The following FNDC3A variants were observed in gnomAD, a reference collection of about 807,000 sequenced individuals.
FNDC3A encodes the protein fibronectin type-III domain-containing protein 3A.
FNDC3A carries 32 observed loss-of-function variants against 148.9 expected under a neutral mutation model. The observed-to-expected ratio is 0.21, with a 90% CI of 0.16 to 0.29. The LOEUF (loss-of-function observed/expected upper bound fraction) is 0.29, where lower values mean the gene tolerates loss of function less well. FNDC3A is among the 10% of genes least tolerant of loss of function. FNDC3A has a pLI of 1.00. For synonymous variants in FNDC3A, 472 were observed against 473.6 expected (o/e 1.00, Z 0.04); for missense variants, 1,191 against 1,452.8 (o/e 0.82, Z 2.93).
At chr13:49,160,122 G>T (rs1883998521) in intron 8 of FNDC3A, among the ~76,000 whole-genome samples, 1 of 152,178 alleles carries the variant, frequency 6.6e-6, no homozygotes, top group Non-Finnish European at 1.5e-5. Flanking sequence ...TCAGGATGAT[G>T]CTGGCCTCAT....
chr13:49,100,683 T>C (rs1879804910), intron 3 of FNDC3A, among the ~76,000 whole-genome samples: 1 of 152,176 alleles, frequency 6.6e-6, no homozygotes, highest in Non-Finnish European at 1.5e-5. Flanking sequence ...TTCTTAACTT[T>C]TAATGTCTTT....
chr13:49,025,870 A>G (rs1873670685), intron 2 of FNDC3A, among the ~76,000 whole-genome samples: 1 of 152,218 alleles, frequency 6.6e-6, no homozygotes, highest in Non-Finnish European at 1.5e-5. Flanking sequence ...TAATAGCAGT[A>G]TTTAATAAAG....
Position 49,076,061 on chromosome 13 carries a change from G to A in FNDC3A, c.175+697G>A, listed in dbSNP as rs1878089882. On this transcript the variant is annotated intron_variant, in intron 3 of 25. Coordinates refer to ENST00000492622, the MANE Select transcript of FNDC3A (RefSeq NM_001079673.2). The stretch of plus-strand genomic sequence containing the variant: ...TTTATGACAAACAGAAAAGTCTCTG[G>A]ATATCCCCAAATATTCCCTGAGGGA... Among the ~76,000 whole-genome samples the A allele has an allele frequency of 2.6e-5, 4 of 151,902 alleles. 1 individual carries two copies. The South Asian group carries it at 8.3e-4, about 32-fold the overall frequency.
intron 5 of FNDC3A, among the ~76,000 whole-genome samples, chr13:49,135,142 A>G (rs1034331130): frequency 1.3e-4 from 20 of 152,056 alleles, no homozygotes; most frequent in African/African-American, 4.8e-4. Context: ...GGCGTGAGCC[A>G]CTGCGCCCAG....
intron 4 of FNDC3A, among the ~76,000 whole-genome samples, chr13:49,117,059 C>G (rs1372721089): frequency 6.6e-6 from 1 of 152,070 alleles, no homozygotes; most frequent in African/African-American, 2.4e-5. Context: ...AGTAAGAAGT[C>G]TAGATCATAT....
Position 49,207,276 on chromosome 13 carries a change from G to C in FNDC3A, c.3478G>C (p.Glu1160Gln). 6.2e-7 allele frequency: 1 copy of C among 1,614,208 alleles called. No individual in the cohort carries two copies. Among genetic ancestry groups the C allele is most frequent in the South Asian group, 1.1e-5 (1 of 91,090 alleles). ...PPASTNRDTVESTRTRRALSD... is the reference protein window; with the variant it reads ...PPASTNRDTVQSTRTRRALSD... ...AGCCAGCACCAACAGAGACACTGTGGAAAGCACAAGGACCCGACGGGCACT... is the reference window on the plus strand; with the variant it reads ...AGCCAGCACCAACAGAGACACTGTGCAAAGCACAAGGACCCGACGGGCACT... Residue 1160 changes from glutamate (E) to glutamine (Q), a missense_variant, in exon 26 of 26, where the codon GAA (glutamate) becomes CAA (glutamine). Physicochemically the swap from Glu to Gln is conservative, Grantham distance 29. Coordinates refer to ENST00000492622, the MANE Select transcript of FNDC3A (RefSeq NM_001079673.2).
chr13:49,163,037 T>G (rs1260146817), intron 8 of FNDC3A, among the ~76,000 whole-genome samples: 1 of 152,158 alleles, frequency 6.6e-6, no homozygotes, highest in Non-Finnish European at 1.5e-5. Flanking sequence ...GTATGAGGTG[T>G]CAATCAGCCC....
chr13:49,104,184 C>G (rs1880021044), intron 3 of FNDC3A, among the ~76,000 whole-genome samples: 1 of 152,132 alleles, frequency 6.6e-6, no homozygotes, highest in African/African-American at 2.4e-5. Flanking sequence ...TTTGCCAGTG[C>G]AGTTTCAGTA....
At chr13:48,980,324 G>T (rs1951673299) in intron 1 of FNDC3A, among the ~76,000 whole-genome samples, 1 of 152,078 alleles carries the variant, frequency 6.6e-6, no homozygotes, top group Non-Finnish European at 1.5e-5. Flanking sequence ...GGATGCTGGT[G>T]GTCTGTAAGT....
intron 13 of FNDC3A, 84 bp from the exon 14 acceptor site, chr13:49,178,484 A>C: frequency 5.0e-6 from 4 of 801,032 alleles, no homozygotes; most frequent in Non-Finnish European, 6.3e-6. Flanking sequence ...GATGAAGAGA[A>C]ACCCGGGTCT....
At chr13:49,127,950 C>T (rs1048177817) in intron 4 of FNDC3A, among the ~76,000 whole-genome samples, 2 of 151,996 alleles carry the variant, frequency 1.3e-5, no homozygotes, top group East Asian at 1.9e-4. Context: ...AGCACAGTCT[C>T]GGCTCACTGC....
At chr13:48,981,275 T>TA in intron 1 of FNDC3A, among the ~76,000 whole-genome samples, 1 of 152,270 alleles carries the variant, frequency 6.6e-6, no homozygotes, top group South Asian at 2.1e-4. Flanking sequence ...TTCTTAGTTC[T>TA]AACTTCACCA....
intron 9 of FNDC3A, among the ~76,000 whole-genome samples, chr13:49,167,662 T>C (rs1884547825): frequency 6.6e-6 from 1 of 151,858 alleles, no homozygotes; most frequent in South Asian, 2.1e-4. Context: ...GCCATGATTG[T>C]GCCATTGTAT....
At chr13:49,019,250 C>G (rs576415026) in intron 2 of FNDC3A, among the ~76,000 whole-genome samples, 1 of 152,218 alleles carries the variant, frequency 6.6e-6, no homozygotes, top group East Asian at 1.9e-4. Flanking sequence ...TAGCAATCAG[C>G]GAGACTCCGT....
chr13:49,082,255 G>T (rs185275806), intron 3 of FNDC3A, among the ~76,000 whole-genome samples: 1 of 151,844 alleles, frequency 6.6e-6, no homozygotes, highest in Non-Finnish European at 1.5e-5. Context: ...ATGTGGTGGC[G>T]CAAACCTGTA....
At chr13:49,050,298 A>G (rs905784456) in intron 2 of FNDC3A, among the ~76,000 whole-genome samples, 3 of 152,094 alleles carry the variant, frequency 2.0e-5, no homozygotes, top group African/African-American at 7.2e-5. Flanking sequence ...CTTTCCTCTT[A>G]GTGTTGCTTT....
At chr13:49,130,946 A>G (rs1881992061) in intron 4 of FNDC3A, among the ~76,000 whole-genome samples, 191 bp from the exon 5 acceptor site, 1 of 151,970 alleles carries the variant, frequency 6.6e-6, no homozygotes, top group Non-Finnish European at 1.5e-5. Context: ...TTGTATTTTT[A>G]GTAGAGACAG....
chr13:49,148,623 G>C (rs538407644), intron 8 of FNDC3A, among the ~76,000 whole-genome samples: 3 of 152,220 alleles, frequency 2.0e-5, no homozygotes, highest in Admixed American at 6.5e-5. Flanking sequence ...AGTATATTTT[G>C]AAGTCAGGTA....
intron 3 of FNDC3A, chr13:49,110,205 C>G: frequency 1.9e-6 from 1 of 514,682 alleles, no homozygotes; most frequent in Non-Finnish European, 3.2e-6. Context: ...GGAACGTTTG[C>G]TTTTTTTTCC....
Sources: gnomAD v4.1 joint callset for allele counts (sites outside exome capture counted in the v4.1 genomes callset) on GRCh38, gnomAD v4.1.1 for gene constraint, MANE v1.5 for transcripts, NCBI Gene and HGNC (gene_info 2026-07-23, HGNC 2026-07-21) for gene names.